PEX14: variants seen among roughly 807,000 people sequenced by gnomAD.
PEX14 encodes peroxisomal membrane protein PEX14.
PEX14 carries 15 observed loss-of-function variants against 49.5 expected under a neutral mutation model. The ratio of observed to expected loss-of-function variants is 0.30; its 90% CI spans 0.20 to 0.47. The LOEUF is 0.47. PEX14 is among the 20% of genes least tolerant of loss of function. The pLI is 1.00. For synonymous variants in PEX14, 210 were observed against 212.7 expected, an observed-to-expected ratio of 0.99 and a Z score of 0.11; for missense variants, 398 against 494.8, an observed-to-expected ratio of 0.80 and a Z score of 1.86.
chr1:10,618,947 G>A (rs572829117), intron 5 of PEX14, among the ~76,000 whole-genome samples: 2 of 152,350 alleles, frequency 1.3e-5, no homozygotes, highest in South Asian at 4.1e-4. Context: ...GCCATGCCCG[G>A]CACATGGAAG....
chr1:10,607,358 T>A (rs891427894), intron 4 of PEX14, among the ~76,000 whole-genome samples: 3 of 152,142 alleles, frequency 2.0e-5, no homozygotes, highest in Admixed American at 2.0e-4. Flanking sequence ...TTGTGAACAT[T>A]CGTATACAAG....
In PEX14 at chr1:10,629,927, C is replaced by T. The variant is rs765001984; in HGVS notation, c.1074C>T (p.Asn358=). 59 of 1,612,876 alleles carry T rather than the reference C, an allele frequency of 3.7e-5. No homozygotes were observed. Among genetic ancestry groups the T allele is most frequent in the Admixed American group, 2.7e-4 (16 of 59,938 alleles). ...GCCGGGGCGGGGATGGGCAGATCAA[C>T]GAGCAGGTGGAGAAGCTGCGGCGGC... ...EDRRGGDGQI[N]EQVEKLRRPE... The change falls in exon 9 of 9, where the codon AAC becomes AAT. Residue 358 remains asparagine (N), a synonymous_variant. Coordinates refer to ENST00000356607, the MANE Select transcript of PEX14 (RefSeq NM_004565.3). This position sits in a 1 kb window ranked among gnomAD's most constrained non-coding sequence, Gnocchi z 8.5.
intron 2 of PEX14, among the ~76,000 whole-genome samples, chr1:10,526,510 A>T (rs1638488178): frequency 6.6e-6 from 1 of 152,130 alleles, no homozygotes; most frequent in African/African-American, 2.4e-5. Context: ...TAAGTCTGCC[A>T]GTTGACTGCA....
chr1:10,532,490 T>C (rs752737923), intron 2 of PEX14, among the ~76,000 whole-genome samples: 4 of 152,114 alleles, frequency 2.6e-5, no homozygotes, highest in Non-Finnish European at 4.4e-5. Context: ...GGTGCACTCA[T>C]TAAGAACTCA....
At chr1:10,499,999 A>G (rs374918971) in intron 2 of PEX14, among the ~76,000 whole-genome samples, 1 of 152,068 alleles carries the variant, frequency 6.6e-6, no homozygotes, top group South Asian at 2.1e-4. Flanking sequence ...AAGCTCATCC[A>G]TCTTACCCCT....
rs1020717806 is a variant in PEX14 at position 10,630,174 on chromosome 1, C to T, written c.*187C>T. The T allele has an allele frequency of 2.6e-5, 23 of 901,952 alleles. No individual in the cohort carries two copies. The African/African-American group carries it at 2.7e-4, about 10-fold the overall frequency. The allele number at this position is 901,952 out of a possible 1,614,324, so 55.9% of individuals were successfully genotyped here. ...CACTTCTGTCCACCTGGCCTCCTCT[C>T]GCCTGGCCGCCAGCCCCAGCCCCAG... is the stretch of plus-strand genomic sequence containing the variant. On this transcript the variant is annotated 3_prime_UTR_variant, in exon 9 of 9. Transcript: ENST00000356607. This position sits in a 1 kb window ranked among gnomAD's most constrained non-coding sequence, Gnocchi z 4.1.
At chr1:10,605,471 C>T (rs1209109244) in intron 4 of PEX14, among the ~76,000 whole-genome samples, 5 of 152,180 alleles carry the variant, frequency 3.3e-5, no homozygotes, top group African/African-American at 1.2e-4. Flanking sequence ...TAGTCTTAGG[C>T]AAGGCTTTCT....
intron 3 of PEX14, among the ~76,000 whole-genome samples, chr1:10,582,196 GA>G (rs1170330101): frequency 6.6e-6 from 1 of 150,788 alleles, no homozygotes; most frequent in Non-Finnish European, 1.5e-5. Flanking sequence ...TTTAAGAGGG[GA>G]AAAAAGGGAT....
chr1:10,601,605 G>A lies in PEX14; in HGVS notation c.298+2239G>A, dbSNP rs72857082. The stretch of plus-strand genomic sequence containing the variant: ...TGCTCAAGTGTGTCAATCTGTCAGT[G>A]CCTTGCATGGGTGACCCACTGCAGG... On this transcript the variant is annotated intron_variant, in intron 4 of 8. Coordinates refer to ENST00000356607, the MANE Select transcript of PEX14 (RefSeq NM_004565.3). Among the ~76,000 whole-genome samples the A allele has an allele frequency of 3.9e-3, 597 of 152,330 alleles. 4 individuals carry two copies. The highest frequency in any genetic ancestry group is 0.014 in the African/African-American group (571 of 41,574).
chr1:10,570,796 G>T (rs1471951592), intron 3 of PEX14, among the ~76,000 whole-genome samples: 1 of 149,988 alleles, frequency 6.7e-6, no homozygotes, highest in South Asian at 2.1e-4. Flanking sequence ...AGAAGTATGT[G>T]TTCAAGCTGC....
Position 10,494,900 on chromosome 1 carries a change from GA to G in PEX14, c.37-371del, listed in dbSNP as rs1274611594. ...GTCCCCTGACGTTGGGGAGGTGGCAGAAAGAGGAGGTGTTGTGCTCTCTCTT... is the reference window on the plus strand; with the variant it reads ...GTCCCCTGACGTTGGGGAGGTGGCAGAAGAGGAGGTGTTGTGCTCTCTCTT... On this transcript the variant is annotated intron_variant, in intron 1 of 8. Transcript: ENST00000356607. The surrounding 1 kb of genome is among the most constrained non-coding windows in gnomAD (Gnocchi z 4.3). 6.6e-6 allele frequency among the ~76,000 whole-genome samples: 1 copy of G among 152,226 alleles called. No homozygotes were observed. Among genetic ancestry groups the G allele is most frequent in the African/African-American group, 2.4e-5 (1 of 41,454 alleles).
intron 3 of PEX14, among the ~76,000 whole-genome samples, chr1:10,554,446 T>C (rs985950268): frequency 6.6e-6 from 1 of 152,140 alleles, no homozygotes; most frequent in African/African-American, 2.4e-5. Flanking sequence ...CGCAGAGTCA[T>C]TGAACTCCAT....
At chr1:10,506,033 T>A (rs983354340) in intron 2 of PEX14, among the ~76,000 whole-genome samples, 5 of 152,068 alleles carry the variant, frequency 3.3e-5, no homozygotes, top group South Asian at 2.1e-4. Flanking sequence ...AACATATTTT[T>A]AAAACTGTGT....
At chr1:10,614,947 A>G (rs1641370450) in intron 4 of PEX14, among the ~76,000 whole-genome samples, 1 of 152,146 alleles carries the variant, frequency 6.6e-6, no homozygotes, top group South Asian at 2.1e-4. Flanking sequence ...CCTGACCAGG[A>G]CTCCAAGTGC....
chr1:10,520,153 T>TTTTTTTTGTTTTTTTG (rs1638234660), intron 2 of PEX14, among the ~76,000 whole-genome samples: 2 of 92,006 alleles, frequency 2.2e-5, no homozygotes, highest in Non-Finnish European at 4.7e-5. Flanking sequence ...TTCTTCTTTT[T>TTTTTTTTGTTTTTTTG]TTTTTTTTTG....
At chr1:10,575,607 T>G (rs1453887392) in intron 3 of PEX14, among the ~76,000 whole-genome samples, 1 of 152,208 alleles carries the variant, frequency 6.6e-6, no homozygotes, top group Non-Finnish European at 1.5e-5. Context: ...TTTGGCCACT[T>G]GGAAAATTTA....
intron 7 of PEX14, among the ~76,000 whole-genome samples, chr1:10,627,040 AC>A (rs1641768789): frequency 6.6e-6 from 1 of 152,186 alleles, no homozygotes; most frequent in Non-Finnish European, 1.5e-5. Context: ...ACCTAAAAAC[AC>A]GTAATGATTC....
intron 2 of PEX14, among the ~76,000 whole-genome samples, chr1:10,496,124 A>T (rs1025567821): frequency 6.6e-6 from 1 of 152,078 alleles, no homozygotes; most frequent in African/African-American, 2.4e-5. Context: ...CAGTCGCGGG[A>T]GGAGATGACG....
intron 3 of PEX14, among the ~76,000 whole-genome samples, chr1:10,573,002 C>T (rs1640024261): frequency 6.6e-6 from 1 of 152,150 alleles, no homozygotes; most frequent in African/African-American, 2.4e-5. Flanking sequence ...GAAAAGGATA[C>T]TGTAGGCAAT....
Sources: allele counts gnomAD v4.1 joint callset (sites outside exome capture counted in the v4.1 genomes callset), GRCh38; gene constraint gnomAD v4.1.1; non-coding constraint Gnocchi (gnomAD v3.1); transcripts MANE v1.5; gene names NCBI Gene and HGNC (gene_info 2026-07-23, HGNC 2026-07-21).